The following MAP3K7 variants were observed in gnomAD, a reference collection of about 807,000 sequenced individuals.
MAP3K7 encodes TGF-beta activated kinase 1.
MAP3K7 carries 21 observed loss-of-function variants against 84.8 expected under a neutral mutation model. That is an observed-to-expected ratio of 0.25 (90% CI 0.18 to 0.36). MAP3K7 has a LOEUF of 0.36. Ranked by LOEUF, MAP3K7 falls within the 10% of genes least tolerant of loss-of-function variation. The pLI is 1.00. For missense variants in MAP3K7, 503 were observed against 747.7 expected (o/e 0.67, Z 3.82); for synonymous variants, 241 against 247.7 (o/e 0.97, Z 0.25).
intron 12 of MAP3K7, chr6:90,542,539 A>G (rs16883102): frequency 0.079 from 76,221 of 961,042 alleles, 3,061 homozygotes; most frequent in South Asian, 0.1. Context: ...ACTAAGAGAA[A>G]GCAAGAAGAA....
At chr6:90,536,000 T>C (rs1211406558) in intron 13 of MAP3K7, among the ~76,000 whole-genome samples, 1 of 152,156 alleles carries the variant, frequency 6.6e-6, no homozygotes, top group African/African-American at 2.4e-5. Flanking sequence ...ATATTAATGA[T>C]TCACTTTAAA....
chr6:90,575,203 C>T (rs1777034092), intron 1 of MAP3K7, among the ~76,000 whole-genome samples: 1 of 151,998 alleles, frequency 6.6e-6, no homozygotes, highest in South Asian at 2.1e-4. Context: ...AGAATGGACC[C>T]CTGCCTTCAT....
chr6:90,527,617 T>C (rs1294587706), intron 13 of MAP3K7, among the ~76,000 whole-genome samples: 2 of 151,904 alleles, frequency 1.3e-5, no homozygotes, highest in African/African-American at 4.8e-5. Context: ...TCTGGAAACA[T>C]GACATATGAC....
At chr6:90,523,868 G>A in intron 13 of MAP3K7, 85 bp from the exon 14 acceptor site, 1 of 751,516 alleles carries the variant, frequency 1.3e-6, no homozygotes, top group Non-Finnish European at 2.4e-6. Flanking sequence ...AAGGCAAGAA[G>A]AGACTTAGAG....
intron 12 of MAP3K7, chr6:90,542,496 C>G: frequency 1.0e-6 from 1 of 985,120 alleles, no homozygotes; most frequent in African/African-American, 1.7e-5. Context: ...AAAAGAGGAT[C>G]TCCCTGGCTG....
At chr6:90,578,637 G>A (rs1777165353) in intron 1 of MAP3K7, among the ~76,000 whole-genome samples, 1 of 152,136 alleles carries the variant, frequency 6.6e-6, no homozygotes, top group South Asian at 2.1e-4. Context: ...AAGAGTAGAA[G>A]ATAGAATAAT....
intron 5 of MAP3K7, 57 bp downstream of exon 5, chr6:90,560,019 G>T: frequency 6.2e-7 from 1 of 1,601,656 alleles, no homozygotes; most frequent in Non-Finnish European, 8.6e-7. Flanking sequence ...GTTCGGGGTG[G>T]TGAGAGTGAG....
chr6:90,531,036 G>T (rs1775490463), intron 13 of MAP3K7, among the ~76,000 whole-genome samples: 1 of 152,102 alleles, frequency 6.6e-6, no homozygotes, highest in African/African-American at 2.4e-5. Flanking sequence ...CTTACCAAAA[G>T]AACTGGATAT....
intron 5 of MAP3K7, among the ~76,000 whole-genome samples, chr6:90,556,858 C>T (rs954934291): frequency 1.3e-5 from 2 of 152,178 alleles, no homozygotes; most frequent in Admixed American, 6.5e-5. Context: ...GCTAGACTCA[C>T]ATTCTGATGT....
Position 90,586,535 on chromosome 6 carries a change from C to T in MAP3K7, c.120+229G>A, listed in dbSNP as rs374954184. Among the ~76,000 whole-genome samples, 19 of 152,302 alleles carry T rather than the reference C, an allele frequency of 1.2e-4. No individual in the cohort carries two copies. In the East Asian group the frequency reaches 1.9e-3, roughly 15 times the overall value. On this transcript the variant is annotated intron_variant, in intron 1 of 16. Transcript: ENST00000369329. ...CCTGTTTATCACCGGAATATCAAAT[C>T]CAAAATCAAGAGTACCCAAGAGAGG...
At chr6:90,546,883 TATTATTTG>T (rs1472512783) in intron 11 of MAP3K7, among the ~76,000 whole-genome samples, 1 of 152,218 alleles carries the variant, frequency 6.6e-6, no homozygotes. Flanking sequence ...AAATATTTGC[TATTATTTG>T]AGTTCAGCAC....
chr6:90,524,591 AT>A (rs2127957773), intron 13 of MAP3K7, among the ~76,000 whole-genome samples: 1 of 152,308 alleles, frequency 6.6e-6, no homozygotes, highest in East Asian at 1.9e-4. Flanking sequence ...CCAAAATAAC[AT>A]TCTTAGATGG....
At chr6:90,567,364 C>T (rs1776744053) in intron 3 of MAP3K7, among the ~76,000 whole-genome samples, 2 of 152,082 alleles carry the variant, frequency 1.3e-5, no homozygotes, top group South Asian at 2.1e-4. Flanking sequence ...AACAAATTTA[C>T]AAGAAAAAAT....
intron 13 of MAP3K7, among the ~76,000 whole-genome samples, chr6:90,533,483 C>T (rs949372709): frequency 3.9e-5 from 6 of 152,102 alleles, no homozygotes; most frequent in Non-Finnish European, 7.4e-5. Flanking sequence ...GGGTTCGTTC[C>T]AGATTGGCCG....
intron 8 of MAP3K7, 56 bp downstream of exon 8, chr6:90,551,993 A>G: frequency 6.4e-7 from 1 of 1,552,612 alleles, no homozygotes; most frequent in Non-Finnish European, 8.8e-7. Flanking sequence ...TTCCATTAAA[A>G]CTCAGCACAT....
chr6:90,546,742 T>C (rs1413231705), intron 11 of MAP3K7, among the ~76,000 whole-genome samples: 1 of 152,210 alleles, frequency 6.6e-6, no homozygotes, highest in African/African-American at 2.4e-5. Context: ...AAAATTATGA[T>C]ATTTTATTTT....
rs573927261 is a variant in MAP3K7, at chr6:90,541,468, C to T, written c.1291+3084G>A. ...TCTACTGGTAATTTGCTCTTAGCTG[C>T]GTGTCTTCCTTGGTAAAAAGGAGCC... On this transcript the variant is annotated intron_variant, in intron 12 of 16. Transcript: ENST00000369329. Among the ~76,000 whole-genome samples, 27 of 152,040 alleles carry T rather than the reference C, an allele frequency of 1.8e-4. No individual in the cohort carries two copies. In the South Asian group the frequency reaches 5.0e-3, roughly 28 times the overall value.
intron 10 of MAP3K7, 57 bp from the exon 11 acceptor site, chr6:90,547,444 A>G: frequency 6.3e-7 from 1 of 1,581,662 alleles, no homozygotes; most frequent in Non-Finnish European, 8.6e-7. Context: ...TAGCAATCTT[A>G]GGCAACCTAA....
chr6:90,566,635 GC>G (rs1442659320), intron 3 of MAP3K7, among the ~76,000 whole-genome samples: 2 of 152,228 alleles, frequency 1.3e-5, no homozygotes, highest in Admixed American at 1.3e-4. Context: ...TGGTCATACT[GC>G]CCAAGGTAAT....
Sources: gnomAD v4.1 joint callset for allele counts (sites outside exome capture counted in the v4.1 genomes callset) on GRCh38, gnomAD v4.1.1 for gene constraint, MANE v1.5 for transcripts, NCBI Gene and HGNC (gene_info 2026-07-23, HGNC 2026-07-21) for gene names.